Variants in EPB41L4A observed in about 807,000 individuals in gnomAD.
The protein encoded by EPB41L4A is band 4.1-like protein 4A.
Under a neutral mutation model 108.6 loss-of-function variants are expected in EPB41L4A, and 100 were observed. That is an observed-to-expected ratio of 0.92 (90% CI 0.78 to 1.09). EPB41L4A has a LOEUF of 1.09. Among genes scored for constraint, EPB41L4A ranks in the 50% least tolerant of loss-of-function variants. The pLI is 0.00. For missense variants in EPB41L4A, 1,030 were observed against 842.7 expected (o/e 1.22, Z -2.75); for synonymous variants, 319 against 289.0 (o/e 1.10, Z -1.05).
chr5:112,279,536 T>C (rs2150504126), intron 3 of EPB41L4A, among the ~76,000 whole-genome samples: 1 of 152,296 alleles, frequency 6.6e-6, no homozygotes, highest in East Asian at 1.9e-4. Context: ...AACGTAAATG[T>C]ACCTAATGCC....
At chr5:112,285,394 T>C (rs573821642) in intron 2 of EPB41L4A, among the ~76,000 whole-genome samples, 1 of 152,254 alleles carries the variant, frequency 6.6e-6, no homozygotes, top group East Asian at 1.9e-4. Flanking sequence ...ATAATTCACA[T>C]ATATGTTTCA....
chr5:112,411,386 C>A (rs1434288850), intron 1 of EPB41L4A, among the ~76,000 whole-genome samples: 1 of 152,120 alleles, frequency 6.6e-6, no homozygotes, highest in South Asian at 2.1e-4. Flanking sequence ...CTTCTAACAA[C>A]CACTCATACC....
At chr5:112,229,820 C>G (rs1748739087) in intron 12 of EPB41L4A, among the ~76,000 whole-genome samples, 1 of 151,930 alleles carries the variant, frequency 6.6e-6, no homozygotes, top group South Asian at 2.1e-4. Flanking sequence ...AACGCTGTCT[C>G]TACTGAAAAT....
intron 13 of EPB41L4A, among the ~76,000 whole-genome samples, chr5:112,144,853 C>G (rs1031084900): frequency 6.6e-6 from 1 of 152,162 alleles, no homozygotes; most frequent in Admixed American, 6.5e-5. Flanking sequence ...CCATGCCCCA[C>G]TTGAGGTTAT....
chr5:112,188,270 T>C (rs777267689), intron 17 of EPB41L4A, among the ~76,000 whole-genome samples: 1 of 152,200 alleles, frequency 6.6e-6, no homozygotes, highest in Non-Finnish European at 1.5e-5. Flanking sequence ...GTTCCAGGCA[T>C]GTGTCGACAT....
intron 1 of EPB41L4A, among the ~76,000 whole-genome samples, chr5:112,382,172 A>G (rs1400454904): frequency 6.6e-6 from 1 of 152,220 alleles, no homozygotes; most frequent in Non-Finnish European, 1.5e-5. Context: ...AGGAAGAGAA[A>G]GCTCTTTCCT....
chr5:112,348,931 C>G lies in EPB41L4A; in HGVS notation c.100-41441G>C, dbSNP rs536721007. Among the ~76,000 whole-genome samples, 5 of 152,244 alleles carry G rather than the reference C, an allele frequency of 3.3e-5. No individual in the cohort carries two copies. In the South Asian group the frequency reaches 1.0e-3, roughly 32 times the overall value. Reference sequence around the variant, plus strand: ...AAGAAGACATGACTAAGACAGGGTTCAAATCATCAAGGGCTCTGGGGAGAC... The same window carrying G: ...AAGAAGACATGACTAAGACAGGGTTGAAATCATCAAGGGCTCTGGGGAGAC... On this transcript the variant is annotated intron_variant, in intron 1 of 22. Coordinates refer to ENST00000261486, the MANE Select transcript of EPB41L4A (RefSeq NM_022140.5).
chr5:112,394,311 C>A (rs546446508), intron 1 of EPB41L4A, among the ~76,000 whole-genome samples: 9 of 152,258 alleles, frequency 5.9e-5, no homozygotes, highest in Admixed American at 5.2e-4. Flanking sequence ...TGCCAGTTTG[C>A]AGATGACATG....
At chr5:112,294,155 A>G (rs552148617) in intron 2 of EPB41L4A, among the ~76,000 whole-genome samples, 158 of 152,222 alleles carry the variant, frequency 1.0e-3, no homozygotes, top group Non-Finnish European at 1.9e-3. Flanking sequence ...TATAATCCCA[A>G]TAAGAATTTT....
At chr5:112,205,707 C>A (rs981898851) in intron 13 of EPB41L4A, among the ~76,000 whole-genome samples, 2 of 150,448 alleles carry the variant, frequency 1.3e-5, no homozygotes, top group African/African-American at 4.8e-5. Context: ...TCTTTCCCCC[C>A]TCTTTCTTTC....
At chr5:112,332,827 T>C (rs905682612) in intron 1 of EPB41L4A, among the ~76,000 whole-genome samples, 3 of 152,224 alleles carry the variant, frequency 2.0e-5, no homozygotes, top group Non-Finnish European at 4.4e-5. Flanking sequence ...TTTTGTAGAA[T>C]TGCTTATACT....
intron 9 of EPB41L4A, among the ~76,000 whole-genome samples, chr5:112,242,025 T>C (rs1456370431): frequency 6.6e-6 from 1 of 152,182 alleles, no homozygotes; most frequent in Non-Finnish European, 1.5e-5. Context: ...AATCTTTTGG[T>C]TGGTGGAAGG....
intron 12 of EPB41L4A, among the ~76,000 whole-genome samples, chr5:112,218,611 T>C (rs546233724): frequency 7.9e-4 from 120 of 152,336 alleles, no homozygotes; most frequent in African/African-American, 2.8e-3. Flanking sequence ...AGGAGAGTGC[T>C]AGAACACTAC....
intron 3 of EPB41L4A, among the ~76,000 whole-genome samples, chr5:112,279,909 G>A (rs934115103): frequency 6.6e-6 from 1 of 152,036 alleles, no homozygotes; most frequent in African/African-American, 2.4e-5. Flanking sequence ...CTCTTTAAAA[G>A]CTTGGACATT....
chr5:112,312,801 C>T (rs1755133330), intron 1 of EPB41L4A, among the ~76,000 whole-genome samples: 3 of 152,120 alleles, frequency 2.0e-5, no homozygotes, highest in African/African-American at 4.8e-5. Context: ...TAATTTCATT[C>T]TTCTTATGGG....
At chr5:112,239,120 C>A (rs1749583459) in intron 11 of EPB41L4A, among the ~76,000 whole-genome samples, 1 of 152,150 alleles carries the variant, frequency 6.6e-6, no homozygotes, top group African/African-American at 2.4e-5. Flanking sequence ...GCTAATATTA[C>A]AGAAGATTGA....
intron 12 of EPB41L4A, chr5:112,146,117 G>A (rs535410029): frequency 8.3e-6 from 3 of 363,322 alleles, no homozygotes; most frequent in African/African-American, 2.1e-5. Flanking sequence ...TTACAGAATC[G>A]AGACCACATT....
chr5:112,292,240 C>G (rs527314287), intron 2 of EPB41L4A, among the ~76,000 whole-genome samples: 1 of 152,304 alleles, frequency 6.6e-6, no homozygotes, highest in South Asian at 2.1e-4. Context: ...AGATGAGCAA[C>G]AGCAAATGCT....
At chr5:112,391,429 C>T (rs1243627224) in intron 1 of EPB41L4A, among the ~76,000 whole-genome samples, 3 of 151,964 alleles carry the variant, frequency 2.0e-5, no homozygotes, top group African/African-American at 4.8e-5. Flanking sequence ...AACTACATGA[C>T]GCATGTACAA....
Sources: allele counts gnomAD v4.1 joint callset (sites outside exome capture counted in the v4.1 genomes callset), GRCh38; gene constraint gnomAD v4.1.1; transcripts MANE v1.5; gene names NCBI Gene and HGNC (gene_info 2026-07-23, HGNC 2026-07-21).